The following LRMDA variants were observed in gnomAD, a reference collection of about 807,000 sequenced individuals.
The protein encoded by LRMDA is leucine-rich melanocyte differentiation-associated protein.
Under a neutral mutation model 29.8 loss-of-function variants are expected in LRMDA, and 18 were observed. That is an observed-to-expected ratio of 0.60 (90% CI 0.42 to 0.90). The LOEUF is 0.90. LRMDA is among the 40% of genes least tolerant of loss of function. LRMDA has a pLI of 0.00. For missense variants in LRMDA, 273 were observed against 273.9 expected, an observed-to-expected ratio of 1.00 and a Z score of 0.02; for synonymous variants, 125 against 109.4, an observed-to-expected ratio of 1.14 and a Z score of -0.89.
chr10:75,732,300 G>A (rs1176908342), intron 2 of LRMDA, among the ~76,000 whole-genome samples: 1 of 152,172 alleles, frequency 6.6e-6, no homozygotes. Flanking sequence ...AGCATCAATT[G>A]ATGCGGAAGA....
intron 5 of LRMDA, among the ~76,000 whole-genome samples, chr10:76,159,790 G>A (rs2132176652): frequency 6.6e-6 from 1 of 152,272 alleles, no homozygotes; most frequent in African/African-American, 2.4e-5. Context: ...TGAGTTATAT[G>A]CTGTATGATT....
At chr10:76,544,082 C>T (rs1589231838) in intron 6 of LRMDA, among the ~76,000 whole-genome samples, 1 of 152,192 alleles carries the variant, frequency 6.6e-6, no homozygotes, top group South Asian at 2.1e-4. Context: ...TCCATAGAGT[C>T]TTGGCCCTCA....
At chr10:76,487,802 T>A (rs1175228200) in intron 6 of LRMDA, among the ~76,000 whole-genome samples, 1 of 151,940 alleles carries the variant, frequency 6.6e-6, no homozygotes, top group Non-Finnish European at 1.5e-5. Flanking sequence ...ACACAGCTAC[T>A]AAGTGAAAGA....
chr10:75,903,020 C>T (rs773984526), intron 2 of LRMDA, among the ~76,000 whole-genome samples: 10 of 152,196 alleles, frequency 6.6e-5, no homozygotes, highest in Non-Finnish European at 1.3e-4. Context: ...AGTGAAAACG[C>T]CCAGTCTAGG....
chr10:76,114,712 T>A (rs1314447578), intron 5 of LRMDA, among the ~76,000 whole-genome samples: 3 of 152,176 alleles, frequency 2.0e-5, no homozygotes, highest in Admixed American at 1.3e-4. Flanking sequence ...AGATGAGAGA[T>A]GATTTAGATG....
chr10:75,662,951 G>A (rs532057101), intron 2 of LRMDA, among the ~76,000 whole-genome samples: 23 of 152,328 alleles, frequency 1.5e-4, no homozygotes, highest in African/African-American at 5.5e-4. Context: ...ACCATGGTCT[G>A]CTGTTAAACT....
chr10:76,161,039 A>G (rs2132178451), intron 5 of LRMDA, among the ~76,000 whole-genome samples: 1 of 152,312 alleles, frequency 6.6e-6, no homozygotes, highest in South Asian at 2.1e-4. Context: ...AACGGTTGCG[A>G]TAAGAGAAAA....
intron 6 of LRMDA, among the ~76,000 whole-genome samples, chr10:76,494,945 G>A (rs1165705368): frequency 6.6e-6 from 1 of 151,708 alleles, no homozygotes; most frequent in Non-Finnish European, 1.5e-5. Flanking sequence ...AATATTCTTT[G>A]TCTTTGTATC....
intron 2 of LRMDA, among the ~76,000 whole-genome samples, chr10:75,978,622 C>G (rs952652857): frequency 2.6e-5 from 4 of 152,182 alleles, no homozygotes; most frequent in Non-Finnish European, 4.4e-5. Context: ...AGTGAACTAT[C>G]AGTGAGTTTC....
chr10:76,493,138 C>G (rs1310153925), intron 6 of LRMDA, among the ~76,000 whole-genome samples: 1 of 151,988 alleles, frequency 6.6e-6, no homozygotes, highest in Non-Finnish European at 1.5e-5. Flanking sequence ...ATCTGGGAGT[C>G]AGAGATTGGA....
rs1840157162 is a variant in LRMDA at position 76,277,977 on chromosome 10, C to T, written c.517-46424C>T. Among the ~76,000 whole-genome samples the T allele has an allele frequency of 1.3e-5, 2 of 152,186 alleles. 1 individual carries two copies. The highest frequency in any genetic ancestry group is 4.2e-4 in the South Asian group (2 of 4,818). On this transcript the variant is annotated intron_variant, in intron 5 of 6. Coordinates refer to ENST00000611255, the MANE Select transcript of LRMDA (RefSeq NM_001305581.2). ...TTTCATGCCCATTAGAGGGTGTACC[C>T]AGTTGTTAGTTTTCTGTGTTTCATT...
chr10:76,340,781 A>C (rs1589143502), intron 6 of LRMDA, among the ~76,000 whole-genome samples: 2 of 152,252 alleles, frequency 1.3e-5, no homozygotes, highest in South Asian at 4.1e-4. Context: ...ACAACAACAC[A>C]GAGCGCAATA....
chr10:76,352,993 T>C (rs796654407), intron 6 of LRMDA, among the ~76,000 whole-genome samples: 6 of 152,240 alleles, frequency 3.9e-5, no homozygotes, highest in African/African-American at 1.4e-4. Flanking sequence ...CTGGATTCTT[T>C]GAGTATATCC....
chr10:76,199,254 C>T (rs573984330), intron 5 of LRMDA, among the ~76,000 whole-genome samples: 11 of 152,130 alleles, frequency 7.2e-5, no homozygotes, highest in Non-Finnish European at 1.6e-4. Context: ...CAGGGGTTCT[C>T]AAACATGTTC....
At chr10:76,107,341 G>A (rs528437910) in intron 5 of LRMDA, among the ~76,000 whole-genome samples, 2 of 152,288 alleles carry the variant, frequency 1.3e-5, no homozygotes, top group South Asian at 4.2e-4. Flanking sequence ...AAGTTCCCAG[G>A]TGATGCTGAG....
intron 6 of LRMDA, among the ~76,000 whole-genome samples, chr10:76,408,420 T>C (rs1841924335): frequency 6.6e-6 from 1 of 152,168 alleles, no homozygotes; most frequent in Admixed American, 6.5e-5. Flanking sequence ...ATAATTCTCA[T>C]TGATTATGTA....
At chr10:76,268,705 G>A (rs10762705) in intron 5 of LRMDA, among the ~76,000 whole-genome samples, 83,614 of 152,046 alleles carry the variant, frequency 0.55, 24,197 homozygotes, top group African/African-American at 0.74. Context: ...TTCTGCTTAC[G>A]GGGATGTAGG....
At chr10:76,394,984 A>G (rs1246634970) in intron 6 of LRMDA, among the ~76,000 whole-genome samples, 1 of 152,198 alleles carries the variant, frequency 6.6e-6, no homozygotes, top group Non-Finnish European at 1.5e-5. Flanking sequence ...GCCTTCTTTT[A>G]GGCTTAATTC....
chr10:76,414,613 G>A lies in LRMDA; in HGVS notation c.601+90128G>A, dbSNP rs116574646. On this transcript the variant is annotated intron_variant, in intron 6 of 6. Coordinates refer to ENST00000611255, the MANE Select transcript of LRMDA (RefSeq NM_001305581.2). ...TTCTTGTGGAACGCTGTCATGAGAG[G>A]GCCTGGAAAAGGAGTTTAGAAGACT... Among the ~76,000 whole-genome samples, 388 of 152,278 alleles carry A rather than the reference G, an allele frequency of 2.5e-3. 1 individual carries two copies. The highest frequency in any genetic ancestry group is 8.5e-3 in the African/African-American group (355 of 41,562).
Sources: gnomAD v4.1 joint callset for allele counts (sites outside exome capture counted in the v4.1 genomes callset) on GRCh38, gnomAD v4.1.1 for gene constraint, MANE v1.5 for transcripts, NCBI Gene and HGNC (gene_info 2026-07-23, HGNC 2026-07-21) for gene names.